Variants in AOPEP observed in about 807,000 individuals in gnomAD.
The protein encoded by AOPEP is aminopeptidase O (putative), also known as aminopeptidase O.
AOPEP carries 77 observed loss-of-function variants against 98.1 expected under a neutral mutation model. The observed-to-expected ratio is 0.78, with a 90% CI of 0.65 to 0.95. The LOEUF is 0.95. AOPEP is among the 40% of genes least tolerant of loss of function. The pLI is 0.00. For missense variants in AOPEP, 1,024 were observed against 1,024.7 expected (o/e 1.00, Z 0.01); for synonymous variants, 346 against 365.3 (o/e 0.95, Z 0.60).
At chr9:95,049,589 CA>C (rs2066158419) in intron 13 of AOPEP, among the ~76,000 whole-genome samples, 1 of 152,154 alleles carries the variant, frequency 6.6e-6, no homozygotes, top group Non-Finnish European at 1.5e-5. Flanking sequence ...TACATTTTAA[CA>C]TCAAAGTAAA....
chr9:94,890,603 T>G (rs995882501), intron 5 of AOPEP, among the ~76,000 whole-genome samples: 1 of 152,208 alleles, frequency 6.6e-6, no homozygotes, highest in African/African-American at 2.4e-5. Flanking sequence ...TCTTTCCTTT[T>G]TTTCTAATGT....
At chr9:94,861,840 T>C (rs2045051084) in intron 5 of AOPEP, among the ~76,000 whole-genome samples, 1 of 152,230 alleles carries the variant, frequency 6.6e-6, no homozygotes, top group Admixed American at 6.5e-5. Flanking sequence ...TCCGTGCTTC[T>C]GTAGGACCTG....
At chr9:95,070,909 C>A (rs1272964890) in intron 14 of AOPEP, among the ~76,000 whole-genome samples, 1 of 152,224 alleles carries the variant, frequency 6.6e-6, no homozygotes, top group Admixed American at 6.5e-5. Context: ...AGTGTCACAG[C>A]AGATTTCCTT....
At chr9:94,881,785 CCAGT>C (rs2047615108) in intron 5 of AOPEP, among the ~76,000 whole-genome samples, 1 of 152,104 alleles carries the variant, frequency 6.6e-6, no homozygotes, top group Non-Finnish European at 1.5e-5. Context: ...GTATGGTGGA[CCAGT>C]CAATTTTTTT....
At chr9:95,106,874 T>A in the AOPEP span, among the ~76,000 whole-genome samples, 1 of 152,258 alleles carries the variant, frequency 6.6e-6, no homozygotes, top group African/African-American at 2.4e-5. Context: ...TGTTTTCTCT[T>A]CTATGACATA....
At chr9:94,951,186 G>A (rs76617543) in intron 7 of AOPEP, among the ~76,000 whole-genome samples, 2 of 152,220 alleles carry the variant, frequency 1.3e-5, no homozygotes, top group Non-Finnish European at 2.9e-5. Context: ...ACACCAGAGT[G>A]TAATGTCTAA....
At chr9:94,946,370 C>G (rs1422570619) in intron 7 of AOPEP, among the ~76,000 whole-genome samples, 3 of 152,302 alleles carry the variant, frequency 2.0e-5, no homozygotes, top group Middle Eastern at 3.4e-3. Flanking sequence ...TTTTGCCTAA[C>G]CTTCCCTGTG....
At chr9:94,747,260 C>T (rs1250521951) in intron 1 of AOPEP, among the ~76,000 whole-genome samples, 2 of 152,158 alleles carry the variant, frequency 1.3e-5, no homozygotes, top group African/African-American at 4.8e-5. Context: ...GGTAATCCTG[C>T]AAAGTGCTAC....
At chr9:94,935,760 A>C (rs2056172176) in intron 7 of AOPEP, among the ~76,000 whole-genome samples, 1 of 152,104 alleles carries the variant, frequency 6.6e-6, no homozygotes, top group Admixed American at 6.5e-5. Context: ...AAGGCTCCCA[A>C]GTCTCCACCA....
At chr9:94,904,235 T>C (rs1459693216) in intron 5 of AOPEP, 2 of 152,184 alleles carry the variant, frequency 1.3e-5, no homozygotes, top group Non-Finnish European at 2.9e-5. Flanking sequence ...ACCTACCCAC[T>C]GCATACATGA....
the AOPEP span, among the ~76,000 whole-genome samples, chr9:95,120,750 A>G: frequency 6.6e-6 from 1 of 152,022 alleles, no homozygotes; most frequent in African/African-American, 2.4e-5. Flanking sequence ...TTTTTGTTCA[A>G]TCTGACGTTT....
At chr9:95,073,961 A>G (rs1408484298) in intron 14 of AOPEP, among the ~76,000 whole-genome samples, 3 of 152,234 alleles carry the variant, frequency 2.0e-5, no homozygotes, top group Non-Finnish European at 4.4e-5. Context: ...TATATGTTCT[A>G]CATATACACA....
At chr9:94,821,430 G>T (rs1293366560) in intron 5 of AOPEP, among the ~76,000 whole-genome samples, 1 of 152,236 alleles carries the variant, frequency 6.6e-6, no homozygotes, top group Non-Finnish European at 1.5e-5. Context: ...ATGGAAGGAT[G>T]TTGAGAAGAC....
chr9:95,081,939 C>T (rs1184661101), intron 15 of AOPEP, among the ~76,000 whole-genome samples: 1 of 152,044 alleles, frequency 6.6e-6, no homozygotes, highest in Non-Finnish European at 1.5e-5. Context: ...TCTTCTAGAA[C>T]GTCCTTGGCT....
At chr9:94,799,504 A>G (rs558855729) in intron 4 of AOPEP, among the ~76,000 whole-genome samples, 39 of 152,054 alleles carry the variant, frequency 2.6e-4, no homozygotes, top group African/African-American at 9.4e-4. Flanking sequence ...CAGGACTTGG[A>G]GGCTACAGTG....
intron 13 of AOPEP, among the ~76,000 whole-genome samples, chr9:95,045,711 G>T (rs906428968): frequency 1.3e-5 from 2 of 152,144 alleles, no homozygotes; most frequent in African/African-American, 4.8e-5. Flanking sequence ...TGTGGTCCTC[G>T]TGCTTCTAAT....
chr9:94,982,279 C>G (rs1163392372), intron 11 of AOPEP, among the ~76,000 whole-genome samples: 1 of 152,094 alleles, frequency 6.6e-6, no homozygotes, highest in Admixed American at 6.6e-5. Context: ...GTTTTCCTTT[C>G]TCTCCCTCTT....
chr9:94,802,674 C>A (rs1171766516), intron 5 of AOPEP, among the ~76,000 whole-genome samples: 1 of 152,190 alleles, frequency 6.6e-6, no homozygotes, highest in Non-Finnish European at 1.5e-5. Flanking sequence ...TTAGCAACAA[C>A]AAGACTGCTT....
At position 95,005,168 on chromosome 9, in the gene AOPEP, G is replaced by T; in HGVS notation, c.1988G>T (p.Arg663Met). The change falls in exon 12 of 17, where the codon AGG (arginine) becomes ATG (methionine). Residue 663 changes from arginine (R) to methionine (M), a missense_variant. Transcript: ENST00000375315. ...CCTCTTCCCCCGCAGCCGCTGCAGA[G>T]GGAGCGTCGCGCCGGGGCGGAGTGC... ...ESSGIPKPLQ[R>M]ERRAGAECGL... 8.7e-7 allele frequency: 1 copy of T among 1,153,912 alleles called. No homozygotes were observed. Among genetic ancestry groups the T allele is most frequent in the East Asian group, 4.6e-5 (1 of 21,602 alleles). The allele number at this position is 1,153,912 out of a possible 1,614,324, so 71.5% of individuals were successfully genotyped here.
Sources: allele counts gnomAD v4.1 joint callset (sites outside exome capture counted in the v4.1 genomes callset), GRCh38; gene constraint gnomAD v4.1.1; transcripts MANE v1.5; gene names NCBI Gene and HGNC (gene_info 2026-07-23, HGNC 2026-07-21).